The following ACAN variants were observed in gnomAD, a reference collection of about 807,000 sequenced individuals.
The protein encoded by ACAN is aggrecan, also known as aggrecan core protein.
In ACAN, 47 loss-of-function variants were observed where a neutral mutation model predicts 169.1. That is an observed-to-expected ratio of 0.28 (90% CI 0.22 to 0.35). The LOEUF (loss-of-function observed/expected upper bound fraction) is 0.35, where lower values mean the gene tolerates loss of function less well. Ranked by LOEUF, ACAN falls within the 10% of genes least tolerant of loss-of-function variation. The pLI is 1.00. For missense variants in ACAN, 2,716 were observed against 2,759.9 expected, an observed-to-expected ratio of 0.98 and a Z score of 0.36; for synonymous variants, 1,115 against 1,112.2, an observed-to-expected ratio of 1.00 and a Z score of -0.05.
chr15:88,858,021 C>T lies in ACAN; in HGVS notation c.5436C>T (p.Val1812=). ...LPGFSGATSG[V]PDLVSGTTSG... is the part of the protein sequence containing the mutation. ...GGTTCAGTGGGGCAACATCAGGAGT[C>T]CCTGACCTGGTTTCTGGTACCACGA... The change falls in exon 12 of 19, where the codon GTC becomes GTT. Residue 1812 remains valine, a synonymous_variant. Coordinates refer to ENST00000560601, the MANE Select transcript of ACAN (RefSeq NM_001369268.1). This position sits in a 1 kb window ranked among gnomAD's most constrained non-coding sequence, Gnocchi z 4.0. 1 of 1,613,928 alleles carries T rather than the reference C, an allele frequency of 6.2e-7. No homozygotes were observed. The highest frequency in any genetic ancestry group is 1.6e-4 in the Middle Eastern group (1 of 6,062).
intron 11 of ACAN, among the ~76,000 whole-genome samples, chr15:88,854,225 G>A (rs972955393): frequency 2.6e-5 from 4 of 152,150 alleles, no homozygotes; most frequent in African/African-American, 9.7e-5. Context: ...AAAATGCACA[G>A]TTCTTACACT....
rs1897321113 is a variant in ACAN, at chr15:88,868,746, A to G, written c.7060+417A>G. The stretch of plus-strand genomic sequence containing the variant: ...GGCATGGGACCTTTGTGGTTCCTTC[A>G]TGGCCCTGGGAGCCACTGTGCCACA... On this transcript the variant is annotated intron_variant, in intron 14 of 18. Transcript: ENST00000560601. This position sits in a 1 kb window ranked among gnomAD's most constrained non-coding sequence, Gnocchi z 5.2. Among the ~76,000 whole-genome samples the G allele has an allele frequency of 6.6e-6, 1 of 152,146 alleles. No individual in the cohort carries two copies. The highest frequency in any genetic ancestry group is 6.5e-5 in the Admixed American group (1 of 15,270).
At chr15:88,844,294 CTTTT>C (rs71149235) in intron 6 of ACAN, among the ~76,000 whole-genome samples, 1 of 104,688 alleles carries the variant, frequency 9.6e-6, no homozygotes, top group Non-Finnish European at 1.9e-5. Flanking sequence ...CCATGCTTTG[CTTTT>C]TTTTTTTTTT....
chr15:88,852,998 G>C (rs1896964380), intron 11 of ACAN, among the ~76,000 whole-genome samples: 1 of 152,212 alleles, frequency 6.6e-6, no homozygotes, highest in Non-Finnish European at 1.5e-5. Flanking sequence ...CATTGGAGAT[G>C]CAAAGCCTGG....
In ACAN at chr15:88,857,229, T is replaced by G. The variant is rs778409894; in HGVS notation, c.4644T>G (p.Leu1548=). The G allele has an allele frequency of 6.2e-7, 1 of 1,613,804 alleles. No individual in the cohort carries two copies. The highest frequency in any genetic ancestry group is 2.2e-5 in the East Asian group (1 of 44,874). The part of the protein sequence containing the change: ...SASGFGDLSG[L]PSGGEGLETS... Reference sequence around the variant, plus strand: ...CTGGATTTGGGGACCTCAGTGGACTTCCTTCTGGAGGAGAAGGTCTAGAGA... The same window carrying G: ...CTGGATTTGGGGACCTCAGTGGACTGCCTTCTGGAGGAGAAGGTCTAGAGA... Residue 1548 remains leucine (L), a synonymous_variant, in exon 12 of 19, where the codon CTT becomes CTG. Transcript: ENST00000560601.
chr15:88,815,943 G>A (rs1895931621), intron 1 of ACAN, among the ~76,000 whole-genome samples: 1 of 152,140 alleles, frequency 6.6e-6, no homozygotes, highest in Admixed American at 6.5e-5. Context: ...CCATTGGCAG[G>A]GCCATGCTCC....
At chr15:88,820,239 C>G (rs1896041796) in intron 1 of ACAN, among the ~76,000 whole-genome samples, 1 of 152,170 alleles carries the variant, frequency 6.6e-6, no homozygotes, top group Non-Finnish European at 1.5e-5. Flanking sequence ...TCCTCCCAGT[C>G]AGTCTCCTTG....
intron 5 of ACAN, among the ~76,000 whole-genome samples, chr15:88,842,413 A>G (rs1896683917): frequency 6.6e-6 from 1 of 152,008 alleles, no homozygotes; most frequent in African/African-American, 2.4e-5. Context: ...TCACAGAGTT[A>G]CCCACGCACG....
chr15:88,838,986 C>T lies in ACAN; in HGVS notation c.394C>T (p.Arg132Cys), dbSNP rs550510196. 4.8e-4 allele frequency: 781 copies of T among 1,612,298 alleles called. 5 individuals are homozygous for T. The South Asian group carries it at 7.8e-3, about 16-fold the overall frequency. The change falls in exon 3 of 19, where the codon CGC becomes TGC. Residue 132 changes from arginine (R) to cysteine (C), a missense_variant. By Grantham distance (180) the Arg-to-Cys change is radical. Coordinates refer to ENST00000560601, the MANE Select transcript of ACAN (RefSeq NM_001369268.1). The surrounding 1 kb of genome is among the most constrained non-coding windows in gnomAD (Gnocchi z 5.1). ...GCGCTCCAATGACTCTGGGGTCTAC[C>T]GCTGCGAGGTGATGCATGGCATCGA... ...SLRSNDSGVY[R>C]CEVMHGIEDS...
chr15:88,807,726 G>C lies in ACAN; in HGVS notation c.-8+3917G>C, dbSNP rs1189889274. Among the ~76,000 whole-genome samples, 1 of 150,112 alleles carries C rather than the reference G, an allele frequency of 6.7e-6. No homozygotes were observed. The highest frequency in any genetic ancestry group is 2.5e-5 in the African/African-American group (1 of 40,788). On this transcript the variant is annotated intron_variant, in intron 1 of 18. Transcript: ENST00000560601. This position sits in a 1 kb window ranked among gnomAD's most constrained non-coding sequence, Gnocchi z 4.0. The stretch of plus-strand genomic sequence containing the variant: ...GGTGGAGTTTACTTTTAAAAACTCA[G>C]AGCCTCCTTATAAGTGGTGGAGTGT...
In ACAN at chr15:88,814,624, A is replaced by T. The variant is rs968612548; in HGVS notation, c.-8+10815A>T. Among the ~76,000 whole-genome samples, 9 of 152,290 alleles carry T rather than the reference A, an allele frequency of 5.9e-5. No homozygotes were observed. Among genetic ancestry groups the T allele is most frequent in the Non-Finnish European group, 1.2e-4 (8 of 68,026 alleles). ...GCATCACTCCAGAGGGCGCCATTCCATTGTGGTCCATGGGAATAGCGACTC... is the reference window on the plus strand; with the variant it reads ...GCATCACTCCAGAGGGCGCCATTCCTTTGTGGTCCATGGGAATAGCGACTC... On this transcript the variant is annotated intron_variant, in intron 1 of 18. Coordinates refer to ENST00000560601, the MANE Select transcript of ACAN (RefSeq NM_001369268.1). This position sits in a 1 kb window ranked among gnomAD's most constrained non-coding sequence, Gnocchi z 4.0.
rs1897383856 is a variant in ACAN, at chr15:88,871,687, C to G, written c.7219+147C>G. ...GGGAACAGTGTTCCCACAGTCTGAG[C>G]TCCCAGAGAGAAGACAACGGTCTTT... is the stretch of plus-strand genomic sequence containing the variant. On this transcript the variant is annotated intron_variant, in intron 15 of 18. Transcript: ENST00000560601. The surrounding 1 kb of genome is among the most constrained non-coding windows in gnomAD (Gnocchi z 7.8). The G allele has an allele frequency of 1.7e-6, 2 of 1,210,358 alleles. No individual in the cohort carries two copies. Among genetic ancestry groups the G allele is most frequent in the Non-Finnish European group, 2.3e-6 (2 of 887,188 alleles). 75.0% of individuals were successfully genotyped at this position (1,210,358 alleles called of 1,614,324 possible). A position where few individuals can be genotyped will look rare whatever the true frequency, so the allele number is the denominator to read the frequency against.
chr15:88,857,765 G>T lies in ACAN; in HGVS notation c.5180G>T (p.Gly1727Val). The part of the protein sequence containing the change: ...GQASGSPDVS[G>V]EIPGLFGVSG... Reference sequence around the variant, plus strand: ...GCATCTGGGTCTCCTGATGTCAGTGGGGAAATACCTGGACTCTTTGGTGTC... The same window carrying T: ...GCATCTGGGTCTCCTGATGTCAGTGTGGAAATACCTGGACTCTTTGGTGTC... The change falls in exon 12 of 19, where the codon GGG (glycine) becomes GTG (valine). Residue 1727 changes from glycine to valine, a missense_variant. Gly to Val is a moderately radical substitution (Grantham distance 109, BLOSUM62 -3). Around this residue, in one of 3 missense-constraint regions of ACAN, gnomAD observed 1,389 missense variants for 1,363.7 expected, o/e 1.02. Coordinates refer to ENST00000560601, the MANE Select transcript of ACAN (RefSeq NM_001369268.1). The T allele has an allele frequency of 6.2e-7, 1 of 1,613,968 alleles. No individual in the cohort carries two copies. Among genetic ancestry groups the T allele is most frequent in the Non-Finnish European group, 8.5e-7 (1 of 1,179,896 alleles).
In ACAN at chr15:88,807,785, T is replaced by TGTGTGC. The variant is rs1555450501; in HGVS notation, c.-8+3977_-8+3978insTGTGCG. ...GTGTGTGTGTGTGTGTGTGTGTGTGTGCATGCTGGCAGGGCGGGCCCTGCG... is the reference window on the plus strand; with the variant it reads ...GTGTGTGTGTGTGTGTGTGTGTGTGTGTGTGCGCATGCTGGCAGGGCGGGCCCTGCG... On this transcript the variant is annotated intron_variant, in intron 1 of 18. Coordinates refer to ENST00000560601, the MANE Select transcript of ACAN (RefSeq NM_001369268.1). This position sits in a 1 kb window ranked among gnomAD's most constrained non-coding sequence, Gnocchi z 4.0. 2.4e-3 allele frequency among the ~76,000 whole-genome samples: 367 copies of TGTGTGC among 151,698 alleles called. 2 individuals are homozygous for TGTGTGC. Among genetic ancestry groups the TGTGTGC allele is most frequent in the Non-Finnish European group, 3.8e-3 (261 of 67,800 alleles).
In ACAN at chr15:88,843,583, A is replaced by T; in HGVS notation, c.986A>T (p.Tyr329Phe). ...AACCTCCTGGGCGTGAGGACCGTCT[A>T]CGTGCATGCCAACCAGACGGGCTAC... ...GGNLLGVRTVYVHANQTGYPD... is the reference protein window; with the variant it reads ...GGNLLGVRTVFVHANQTGYPD... Residue 329 changes from tyrosine (Y) to phenylalanine (F), a missense_variant, in exon 6 of 19, where the codon TAC (tyrosine) becomes TTC (phenylalanine). By Grantham distance (22) the Tyr-to-Phe change is conservative. Around this residue, in one of 3 missense-constraint regions of ACAN, gnomAD observed 1,283 missense variants for 1,281.5 expected, o/e 1.00. Transcript: ENST00000560601. The surrounding 1 kb of genome is among the most constrained non-coding windows in gnomAD (Gnocchi z 4.0). The T allele has an allele frequency of 6.2e-7, 1 of 1,608,006 alleles. No homozygotes were observed. Among genetic ancestry groups the T allele is most frequent in the East Asian group, 2.2e-5 (1 of 44,686 alleles).
At position 88,864,152 on chromosome 15, in the gene ACAN, G is replaced by T. The variant is rs113991793; in HGVS notation, c.6946+3713G>T. Among the ~76,000 whole-genome samples, 435 of 152,330 alleles carry T rather than the reference G, an allele frequency of 2.9e-3. 2 individuals are homozygous for T. Among genetic ancestry groups the T allele is most frequent in the Admixed American group, 4.5e-3 (69 of 15,298 alleles). ...TGGTTGTGCCACTGCATTCCAGCCT[G>T]GGTGACAGAGTGAGACCCTGTCTCA... On this transcript the variant is annotated intron_variant, in intron 13 of 18. Transcript: ENST00000560601.
At chr15:88,803,883 A>C (rs775252755) in intron 1 of ACAN, 74 bp downstream of exon 1, 17 of 152,382 alleles carry the variant, frequency 1.1e-4, no homozygotes, top group African/African-American at 4.1e-4. Flanking sequence ...CTGAGACTGC[A>C]CGCCCCGGGG....
chr15:88,864,253 T>C (rs533749057), intron 13 of ACAN, among the ~76,000 whole-genome samples: 46 of 151,976 alleles, frequency 3.0e-4, no homozygotes, highest in African/African-American at 1.1e-3. Flanking sequence ...GTACAAATAA[T>C]GATAGCATAT....
intron 1 of ACAN, among the ~76,000 whole-genome samples, chr15:88,820,329 A>G (rs1234709853): frequency 6.6e-6 from 1 of 152,126 alleles, no homozygotes; most frequent in Non-Finnish European, 1.5e-5. Flanking sequence ...TAGGAACATG[A>G]TGGGGGACTT....
Sources: gnomAD v4.1 joint callset for allele counts (sites outside exome capture counted in the v4.1 genomes callset) on GRCh38, gnomAD v4.1.1 for gene constraint, gnomAD v4.1.1 regional missense constraint, Gnocchi (gnomAD v3.1) non-coding constraint, MANE v1.5 for transcripts, NCBI Gene and HGNC (gene_info 2026-07-23, HGNC 2026-07-21) for gene names.